PRKAA2: variants seen among roughly 807,000 people sequenced by gnomAD.
PRKAA2 encodes 5'-AMP-activated protein kinase catalytic subunit alpha-2.
Under a neutral mutation model 56.3 loss-of-function variants are expected in PRKAA2, and 40 were observed. The ratio of observed to expected loss-of-function variants is 0.71; its 90% confidence interval spans 0.55 to 0.92. PRKAA2 has a LOEUF of 0.92. Ranked by LOEUF, PRKAA2 falls within the 40% of genes least tolerant of loss-of-function variation. The probability of loss-of-function intolerance (pLI) is 0.00; values close to 1 mark genes in which losing one functional copy is unlikely to be tolerated. For synonymous variants in PRKAA2, 214 were observed against 234.2 expected (o/e 0.91, Z 0.79); for missense variants, 542 against 686.9 (o/e 0.79, Z 2.36).
At chr1:56,671,877 GC>G (rs1306645777) in intron 1 of PRKAA2, among the ~76,000 whole-genome samples, 1 of 152,276 alleles carries the variant, frequency 6.6e-6, no homozygotes, top group South Asian at 2.1e-4. Context: ...GAGCAGGGAA[GC>G]TAGCACTTAG....
Position 56,707,878 on chromosome 1 carries a change from A to T in PRKAA2, c.*165A>T. ...AATTACTGAAAACAAAATATCTGAC[A>T]TCTTATTTACTTGTAGAAATCTGTA... On this transcript the variant is annotated 3_prime_UTR_variant, in exon 9 of 9. Transcript: ENST00000371244. The T allele has an allele frequency of 1.5e-6, 1 of 668,746 alleles. No individual in the cohort carries two copies. The highest frequency in any genetic ancestry group is 2.5e-6 in the Non-Finnish European group (1 of 399,114). 41.4% of individuals were successfully genotyped at this position (668,746 alleles called of 1,614,324 possible).
Position 56,710,809 on chromosome 1 carries a change from A to C in PRKAA2, c.*3096A>C, listed in dbSNP as rs559232168. 3 of 152,238 alleles carry C rather than the reference A, an allele frequency of 2.0e-5. No homozygotes were observed. In the South Asian group the frequency reaches 6.2e-4, roughly 32 times the overall value. 9.4% of individuals were successfully genotyped at this position (152,238 alleles called of 1,614,324 possible). On this transcript the variant is annotated 3_prime_UTR_variant, in exon 9 of 9. Coordinates refer to ENST00000371244, the MANE Select transcript of PRKAA2 (RefSeq NM_006252.4). ...TACTTGTTAAAAAAAAGTCTAAGAG[A>C]CTAATGACTCATGCTTATGGCTCAG...
At chr1:56,686,629 A>C (rs1226513433) in intron 2 of PRKAA2, among the ~76,000 whole-genome samples, 1 of 152,124 alleles carries the variant, frequency 6.6e-6, no homozygotes, top group Non-Finnish European at 1.5e-5. Flanking sequence ...GAGAGGAAGG[A>C]GGAAGAGCCA....
Position 56,708,353 on chromosome 1 carries a change from A to C in PRKAA2, c.*640A>C, listed in dbSNP as rs932912455. 4 of 152,220 alleles carry C rather than the reference A, an allele frequency of 2.6e-5. No individual in the cohort carries two copies. The highest frequency in any genetic ancestry group is 4.4e-5 in the Non-Finnish European group (3 of 68,036). The allele number at this position is 152,220 out of a possible 1,614,324, so 9.4% of individuals were successfully genotyped here. On this transcript the variant is annotated 3_prime_UTR_variant, in exon 9 of 9. Transcript: ENST00000371244. The stretch of plus-strand genomic sequence containing the variant: ...TCTTAAAAACAGCTGTAACTAACTC[A>C]GGATTTTTATCTTGAGATTTCCCTG...
At chr1:56,651,158 G>A (rs909852474) in intron 1 of PRKAA2, among the ~76,000 whole-genome samples, 5 of 152,044 alleles carry the variant, frequency 3.3e-5, no homozygotes, top group African/African-American at 1.2e-4. Flanking sequence ...TCATTAAACC[G>A]ATTTTTAAAA....
chr1:56,688,815 G>A (rs868809073), intron 2 of PRKAA2, among the ~76,000 whole-genome samples: 13 of 152,170 alleles, frequency 8.5e-5, no homozygotes, highest in Admixed American at 7.2e-4. Flanking sequence ...TTTAATGTCT[G>A]TCTTTCTGGC....
chr1:56,645,785 G>GACCTCAGTGTCCTCCTCTGC (rs1553146215), intron 1 of PRKAA2, among the ~76,000 whole-genome samples: 8 of 152,242 alleles, frequency 5.3e-5, no homozygotes, highest in Admixed American at 2.6e-4. Flanking sequence ...GTGTTCTCTG[G>GACCTCAGTGTCCTCCTCTGC]ACCTCAGTGT....
rs1185863025 is a variant in PRKAA2 at position 56,657,142 on chromosome 1, G to C, written c.94+11661G>C. ...CCTTTTCTTGAGCCTCCCTTATGCT[G>C]GTGTAGACTGTATTTATCCTTGCAG... On this transcript the variant is annotated intron_variant, in intron 1 of 8. Coordinates refer to ENST00000371244, the MANE Select transcript of PRKAA2 (RefSeq NM_006252.4). 2.6e-5 allele frequency among the ~76,000 whole-genome samples: 4 copies of C among 152,070 alleles called. 1 individual carries two copies. The highest frequency in any genetic ancestry group is 9.7e-5 in the African/African-American group (4 of 41,404).
intron 5 of PRKAA2, among the ~76,000 whole-genome samples, chr1:56,694,190 A>G (rs529631944): frequency 5.3e-4 from 80 of 152,296 alleles, no homozygotes; most frequent in Middle Eastern, 3.4e-3. Context: ...TAGTTCTTTA[A>G]TAATACCTTG....
intron 2 of PRKAA2, among the ~76,000 whole-genome samples, chr1:56,690,353 C>T (rs857159): frequency 0.44 from 66,952 of 151,816 alleles, 15,447 homozygotes; most frequent in East Asian, 0.59. Context: ...TTAGTAGAGA[C>T]GGGGTTTCAC....
intron 1 of PRKAA2, among the ~76,000 whole-genome samples, chr1:56,650,015 G>C (rs1046922390): frequency 1.3e-5 from 2 of 151,958 alleles, no homozygotes. Flanking sequence ...GAATCACTTG[G>C]ACCCGGGAGG....
At position 56,698,557 on chromosome 1, in the gene PRKAA2, A is replaced by G. The variant is rs148048933; in HGVS notation, c.788+2398A>G. Among the ~76,000 whole-genome samples, 216 of 152,300 alleles carry G rather than the reference A, an allele frequency of 1.4e-3. 2 individuals carry two copies. Among genetic ancestry groups the G allele is most frequent in the South Asian group, 4.8e-3 (23 of 4,828 alleles). On this transcript the variant is annotated intron_variant, in intron 6 of 8. Coordinates refer to ENST00000371244, the MANE Select transcript of PRKAA2 (RefSeq NM_006252.4). ...AATTACACAACTAATAAGGAGCACAATGGGGCTCAACTTGGAACTTTACCT... is the reference window on the plus strand; with the variant it reads ...AATTACACAACTAATAAGGAGCACAGTGGGGCTCAACTTGGAACTTTACCT...
chr1:56,704,365 T>G lies in PRKAA2; in HGVS notation c.1183T>G (p.Leu395Val). The change falls in exon 7 of 9, where the codon TTA becomes GTA. Residue 395 changes from leucine to valine, a missense_variant. Leu to Val is a conservative substitution (Grantham distance 32, BLOSUM62 1). Coordinates refer to ENST00000371244, the MANE Select transcript of PRKAA2 (RefSeq NM_006252.4). The part of the protein sequence containing the change: ...DALNTTKPKS[L>V]AVKKAKWHLG... ...ACTGAATACGACTAAGCCCAAATCT[T>G]TAGCTGTGAAAAAAGCCAAGTGGCA... 6.2e-7 allele frequency: 1 copy of G among 1,614,124 alleles called. No homozygotes were observed. Among genetic ancestry groups the G allele is most frequent in the Non-Finnish European group, 8.5e-7 (1 of 1,180,000 alleles).
chr1:56,650,516 A>G (rs1457745269), intron 1 of PRKAA2, among the ~76,000 whole-genome samples: 1 of 152,212 alleles, frequency 6.6e-6, no homozygotes, highest in Non-Finnish European at 1.5e-5. Flanking sequence ...TTCTAGAAGA[A>G]TGGTCCTGTT....
At chr1:56,699,202 T>G (rs1311431936) in intron 6 of PRKAA2, among the ~76,000 whole-genome samples, 1 of 152,190 alleles carries the variant, frequency 6.6e-6, no homozygotes, top group Non-Finnish European at 1.5e-5. Context: ...TATTAGCTAT[T>G]ATTATTTTTG....
chr1:56,708,308 G>T lies in PRKAA2; in HGVS notation c.*595G>T, dbSNP rs771112761. ...CAGAAGGACTGTGGTCATGTAACAG[G>T]TAACCACAATTTTCAGGTTTCTTAA... On this transcript the variant is annotated 3_prime_UTR_variant, in exon 9 of 9. Coordinates refer to ENST00000371244, the MANE Select transcript of PRKAA2 (RefSeq NM_006252.4). The T allele has an allele frequency of 6.6e-6, 1 of 152,126 alleles. No individual in the cohort carries two copies. The highest frequency in any genetic ancestry group is 6.6e-5 in the Admixed American group (1 of 15,266). 9.4% of individuals were successfully genotyped at this position (152,126 alleles called of 1,614,324 possible).
rs193095982 is a variant in PRKAA2, at chr1:56,681,165, A to G, written c.236+6643A>G. Among the ~76,000 whole-genome samples the G allele has an allele frequency of 9.2e-5, 14 of 152,248 alleles. 1 individual carries two copies. In the East Asian group the frequency reaches 2.7e-3, roughly 29 times the overall value. ...CTGCGTAAATGTCTTCTTTTGAGAAATGTCTGTTCATATCCTTCGCCCACT... is the reference window on the plus strand; with the variant it reads ...CTGCGTAAATGTCTTCTTTTGAGAAGTGTCTGTTCATATCCTTCGCCCACT... On this transcript the variant is annotated intron_variant, in intron 2 of 8. Coordinates refer to ENST00000371244, the MANE Select transcript of PRKAA2 (RefSeq NM_006252.4).
chr1:56,700,911 G>A (rs1644289346), intron 6 of PRKAA2, among the ~76,000 whole-genome samples: 1 of 152,094 alleles, frequency 6.6e-6, no homozygotes, highest in African/African-American at 2.4e-5. Flanking sequence ...CCCAGGAGCT[G>A]GACAAAGGGA....
Position 56,707,555 on chromosome 1 carries a change from A to G in PRKAA2, c.1501A>G (p.Ser501Gly), listed in dbSNP as rs775182044. 1.9e-6 allele frequency: 3 copies of G among 1,614,170 alleles called. No individual in the cohort carries two copies. In the South Asian group the frequency reaches 3.3e-5, roughly 18 times the overall value. ...TGCTGGCTTACACAGACCAAGATCA[A>G]GTTTTGATTCCACAACTGCAGAGAG... ...SAAGLHRPRSSFDSTTAESHS... is the reference protein window; with the variant it reads ...SAAGLHRPRSGFDSTTAESHS... Residue 501 changes from serine (S) to glycine (G), a missense_variant, in exon 9 of 9, where the codon AGT becomes GGT. This residue lies in a region of PRKAA2 where 158 missense variants were observed against 166.1 expected (regional missense o/e 0.95). Coordinates refer to ENST00000371244, the MANE Select transcript of PRKAA2 (RefSeq NM_006252.4).
Sources: allele counts gnomAD v4.1 joint callset (sites outside exome capture counted in the v4.1 genomes callset), GRCh38; gene constraint gnomAD v4.1.1; regional missense constraint gnomAD v4.1.1; transcripts MANE v1.5; gene names NCBI Gene and HGNC (gene_info 2026-07-23, HGNC 2026-07-21).